SNX18: variants seen among roughly 807,000 people sequenced by gnomAD.
The protein encoded by SNX18 is sorting nexin 18, also known as sorting nexin-18.
In SNX18, 35 loss-of-function variants were observed where a neutral mutation model predicts 48.7. The observed-to-expected ratio is 0.72, with a 90% CI of 0.55 to 0.95. The LOEUF is 0.95. SNX18 is among the 40% of genes least tolerant of loss of function. The pLI, the probability that SNX18 is intolerant of heterozygous loss-of-function variation, is 0.00. For synonymous variants in SNX18, 492 were observed against 384.7 expected (o/e 1.28, Z -3.26); for missense variants, 824 against 871.0 (o/e 0.95, Z 0.68).
chr5:54,526,677 C>G (rs945883476), intron 1 of SNX18, among the ~76,000 whole-genome samples: 1 of 152,162 alleles, frequency 6.6e-6, no homozygotes, highest in African/African-American at 2.4e-5. Context: ...ATTCAAGATG[C>G]TAGTGTTGCA....
At chr5:54,609,475 C>T in the SNX18 span, among the ~76,000 whole-genome samples, 5 of 152,060 alleles carry the variant, frequency 3.3e-5, no homozygotes, top group African/African-American at 9.7e-5. Flanking sequence ...TATTTATTTA[C>T]TTATTTATTT....
chr5:54,612,752 C>G, the SNX18 span, among the ~76,000 whole-genome samples: 1 of 152,158 alleles, frequency 6.6e-6, no homozygotes. Context: ...AGCCATGTTC[C>G]TAGCTGGTCT....
the SNX18 span, among the ~76,000 whole-genome samples, chr5:54,628,626 C>T: frequency 6.6e-6 from 1 of 152,170 alleles, no homozygotes; most frequent in African/African-American, 2.4e-5. Context: ...GGCAGCTGCC[C>T]CCAGGAAGGT....
At chr5:54,626,575 G>A in the SNX18 span, among the ~76,000 whole-genome samples, 1 of 152,332 alleles carries the variant, frequency 6.6e-6, no homozygotes. Flanking sequence ...CTTTGGTTTG[G>A]AAGGTAATTT....
At position 54,519,098 on chromosome 5, in the gene SNX18, C is replaced by T. The variant is rs753116320; in HGVS notation, c.1146C>T (p.Pro382=). The T allele has an allele frequency of 2.3e-5, 37 of 1,614,108 alleles. 1 individual carries two copies. The highest frequency in any genetic ancestry group is 3.1e-5 in the Non-Finnish European group (37 of 1,180,022). The change falls in exon 1 of 2, where the codon CCC becomes CCT. Residue 382 remains proline (P), a synonymous_variant. Coordinates refer to ENST00000381410, the MANE Select transcript of SNX18 (RefSeq NM_001102575.2). ...TCTTCCAGCACTTCCTGACGTGCCC[C>T]AGCAGCACCGACGAGAAAGCCTGGA... ...CDVFQHFLTC[P]SSTDEKAWKQ... is the part of the protein sequence containing the mutation.
chr5:54,611,990 G>A, the SNX18 span, among the ~76,000 whole-genome samples: 6 of 151,862 alleles, frequency 4.0e-5, no homozygotes, highest in African/African-American at 9.7e-5. Flanking sequence ...CGATCCTCCC[G>A]CCTCAGATTC....
chr5:54,620,783 A>G, the SNX18 span, among the ~76,000 whole-genome samples: 82,234 of 152,052 alleles, frequency 0.54, 22,609 homozygotes, highest in African/African-American at 0.63. Flanking sequence ...GAGTTGGCCA[A>G]CTTGGTTTCT....
chr5:54,630,810 C>A, the SNX18 span, among the ~76,000 whole-genome samples: 2 of 129,646 alleles, frequency 1.5e-5, no homozygotes, highest in Non-Finnish European at 3.1e-5. Flanking sequence ...GCAGCCTGGG[C>A]GACAGAGCAA....
At chr5:54,535,231 C>T (rs950228734) in intron 1 of SNX18, among the ~76,000 whole-genome samples, 1 of 152,100 alleles carries the variant, frequency 6.6e-6, no homozygotes, top group African/African-American at 2.4e-5. Flanking sequence ...TGCGAGATGG[C>T]TTACATTGGT....
chr5:54,644,060 T>G, the SNX18 span: 42 of 152,314 alleles, frequency 2.8e-4, no homozygotes, highest in African/African-American at 9.4e-4. Context: ...TTATAAGCCA[T>G]AACCTTAGGG....
At chr5:54,607,376 C>T in the SNX18 span, among the ~76,000 whole-genome samples, 2 of 152,178 alleles carry the variant, frequency 1.3e-5, no homozygotes, top group Non-Finnish European at 2.9e-5. Flanking sequence ...GGAAGCTTTC[C>T]CAGCTGTCTC....
chr5:54,638,805 C>A, the SNX18 span, among the ~76,000 whole-genome samples: 1 of 152,078 alleles, frequency 6.6e-6, no homozygotes, highest in Non-Finnish European at 1.5e-5. Context: ...CTAAGGTCAG[C>A]CAGGAGAAAT....
intron 1 of SNX18, among the ~76,000 whole-genome samples, chr5:54,537,099 G>A (rs1473642174): frequency 1.3e-5 from 2 of 152,186 alleles, no homozygotes; most frequent in Non-Finnish European, 2.9e-5. Flanking sequence ...GGAGGCTGAG[G>A]CGGGCGGATC....
At chr5:54,538,671 T>C (rs1002401425) in intron 1 of SNX18, among the ~76,000 whole-genome samples, 1 of 152,250 alleles carries the variant, frequency 6.6e-6, no homozygotes, top group African/African-American at 2.4e-5. Flanking sequence ...CAACTTTTTT[T>C]ATTTGGCTTC....
the SNX18 span, among the ~76,000 whole-genome samples, chr5:54,615,477 G>GC: frequency 1.3e-5 from 2 of 152,154 alleles, no homozygotes; most frequent in Non-Finnish European, 1.5e-5. Flanking sequence ...TTCTACCCTT[G>GC]CCCCCTCACT....
the SNX18 span, among the ~76,000 whole-genome samples, chr5:54,612,269 T>A: frequency 6.6e-6 from 1 of 152,050 alleles, no homozygotes; most frequent in Non-Finnish European, 1.5e-5. Context: ...TTTTTATTTT[T>A]TTTTTTTGAG....
the SNX18 span, among the ~76,000 whole-genome samples, chr5:54,586,347 G>T: frequency 6.6e-6 from 1 of 152,172 alleles, no homozygotes; most frequent in Non-Finnish European, 1.5e-5. Context: ...TGATGATGCC[G>T]TGGGGAAATG....
the SNX18 span, among the ~76,000 whole-genome samples, chr5:54,637,781 T>G: frequency 6.6e-6 from 1 of 152,132 alleles, no homozygotes; most frequent in South Asian, 2.1e-4. Context: ...CCTGGGATGG[T>G]GCCGGGCCCT....
chr5:54,619,792 G>A, the SNX18 span, among the ~76,000 whole-genome samples: 1 of 152,096 alleles, frequency 6.6e-6, no homozygotes, highest in Non-Finnish European at 1.5e-5. Context: ...AAAAGGGAAA[G>A]AGCAAGCAGG....
Sources: allele counts gnomAD v4.1 joint callset (sites outside exome capture counted in the v4.1 genomes callset), GRCh38; gene constraint gnomAD v4.1.1; transcripts MANE v1.5; gene names NCBI Gene and HGNC (gene_info 2026-07-23, HGNC 2026-07-21).